Variants in SHANK2 observed in about 807,000 individuals in gnomAD.
SHANK2 encodes SH3 and multiple ankyrin repeat domains 2, also known as SH3 and multiple ankyrin repeat domains protein 2.
SHANK2 carries 43 observed loss-of-function variants against 133.7 expected under a neutral mutation model. The observed-to-expected ratio is 0.32, with a 90% CI of 0.25 to 0.41. The LOEUF (loss-of-function observed/expected upper bound fraction) is 0.41, where lower values mean the gene tolerates loss of function less well. Ranked by LOEUF, SHANK2 falls within the 10% of genes least tolerant of loss-of-function variation. SHANK2 has a pLI of 1.00. For synonymous variants in SHANK2, 1,017 were observed against 952.8 expected, an observed-to-expected ratio of 1.07 and a Z score of -1.24; for missense variants, 1,994 against 2,235.8, an observed-to-expected ratio of 0.89 and a Z score of 2.18.
chr11:70,586,596 C>T (rs369574162), intron 17 of SHANK2, among the ~76,000 whole-genome samples: 65 of 152,322 alleles, frequency 4.3e-4, no homozygotes, highest in Non-Finnish European at 7.5e-4. Flanking sequence ...CATGCTGGGA[C>T]GCAGACTCTC....
chr11:71,125,387 C>T (rs1420903963), intron 3 of SHANK2, among the ~76,000 whole-genome samples: 1 of 152,208 alleles, frequency 6.6e-6, no homozygotes, highest in Non-Finnish European at 1.5e-5. Context: ...CCAGTGAACA[C>T]ACAAATGGTA....
chr11:70,478,572 C>G (rs1477416550), intron 25 of SHANK2, among the ~76,000 whole-genome samples: 1 of 152,208 alleles, frequency 6.6e-6, no homozygotes, highest in Non-Finnish European at 1.5e-5. Context: ...AAAGATAGAA[C>G]CGGAGGCAGC....
chr11:70,614,746 C>T (rs2060715461), intron 17 of SHANK2, among the ~76,000 whole-genome samples: 1 of 152,244 alleles, frequency 6.6e-6, no homozygotes, highest in Non-Finnish European at 1.5e-5. Context: ...GCAAGGATGA[C>T]CAAGCCCTTC....
intron 14 of SHANK2, among the ~76,000 whole-genome samples, chr11:70,708,701 G>A (rs1555025474): frequency 6.6e-6 from 1 of 152,198 alleles, no homozygotes; most frequent in Non-Finnish European, 1.5e-5. Flanking sequence ...GCTGGGAGCC[G>A]CTCCTCCAAG....
intron 2 of SHANK2, among the ~76,000 whole-genome samples, chr11:71,157,593 G>C (rs1412240782): frequency 6.6e-6 from 1 of 152,314 alleles, no homozygotes; most frequent in Middle Eastern, 3.4e-3. Flanking sequence ...AGAAGAGTCT[G>C]TCTGGCTTTC....
At chr11:70,592,630 C>T (rs1296736663) in intron 17 of SHANK2, among the ~76,000 whole-genome samples, 1 of 152,112 alleles carries the variant, frequency 6.6e-6, no homozygotes, top group Admixed American at 6.5e-5. Context: ...CAAATGTGTG[C>T]AGCCCTGGTC....
intron 21 of SHANK2, among the ~76,000 whole-genome samples, chr11:70,497,867 T>C (rs1037083220): frequency 6.6e-6 from 1 of 152,260 alleles, no homozygotes; most frequent in East Asian, 1.9e-4. Flanking sequence ...AAATAGGCTC[T>C]GCACTGAAGT....
chr11:70,486,013 C>T lies in SHANK2; in HGVS notation c.4280G>A (p.Arg1427Gln), dbSNP rs782253326. Residue 1427 changes from arginine (R) to glutamine (Q), a missense_variant, in exon 25 of 26, where the codon CGG (arginine) becomes CAG (glutamine). Transcript: ENST00000601538. The surrounding 1 kb of genome is among the most constrained non-coding windows in gnomAD (Gnocchi z 8.0). ...TGAGAGAGCCGGGACAGAAGCTGCC[C>T]GGTCATCGGGGATATCAAAACTATT... Reference protein sequence around the residue: ...FANSFDIPDDRAASVPALSDL... With the variant: ...FANSFDIPDDQAASVPALSDL... 3.2e-5 allele frequency: 52 copies of T among 1,613,910 alleles called. No homozygotes were observed. The highest frequency in any genetic ancestry group is 4.2e-5 in the Non-Finnish European group (50 of 1,180,020).
chr11:70,660,068 G>A (rs1414950754), intron 16 of SHANK2, 116 bp from the exon 17 acceptor site: 5 of 1,369,546 alleles, frequency 3.7e-6, no homozygotes, highest in South Asian at 1.2e-5. Flanking sequence ...CCCATTGCAG[G>A]TGGCTAGTCC....
intron 14 of SHANK2, among the ~76,000 whole-genome samples, chr11:70,711,099 C>T (rs72948975): frequency 2.0e-5 from 3 of 152,340 alleles, no homozygotes; most frequent in Non-Finnish European, 4.4e-5. Context: ...TGAACTCTCA[C>T]TCTTCACTCT....
intron 10 of SHANK2, among the ~76,000 whole-genome samples, chr11:70,905,267 C>G (rs892301885): frequency 6.6e-6 from 1 of 152,212 alleles, no homozygotes; most frequent in Admixed American, 6.5e-5. Flanking sequence ...CCTTTCAAGA[C>G]AGCTCCCTAG....
At chr11:71,066,201 G>GA (rs1951060021) in intron 9 of SHANK2, among the ~76,000 whole-genome samples, 3 of 33,192 alleles carry the variant, frequency 9.0e-5, no homozygotes, top group Non-Finnish European at 2.0e-4. Flanking sequence ...GGGAAGTTGG[G>GA]GGGGGTATAG....
Position 70,469,589 on chromosome 11 carries a change from G to A in SHANK2, c.*3280C>T, listed in dbSNP as rs566425934. On this transcript the variant is annotated 3_prime_UTR_variant, in exon 26 of 26. Transcript: ENST00000601538. ...AAAGTAACAGCAACATAGATAATGC[G>A]AACACGTGTTGTTACACAAACTATA... 1.3e-5 allele frequency: 2 copies of A among 150,692 alleles called. No individual in the cohort carries two copies. Among genetic ancestry groups the A allele is most frequent in the South Asian group, 2.1e-4 (1 of 4,770 alleles). 9.3% of individuals were successfully genotyped at this position (150,692 alleles called of 1,614,324 possible). A position where few individuals can be genotyped will look rare whatever the true frequency, so the allele number is the denominator to read the frequency against.
At chr11:71,061,703 G>A (rs992262171) in intron 9 of SHANK2, among the ~76,000 whole-genome samples, 20 of 152,150 alleles carry the variant, frequency 1.3e-4, no homozygotes, top group Non-Finnish European at 2.2e-4. Context: ...TGGGCCCATC[G>A]GGGTGTCACC....
intron 17 of SHANK2, among the ~76,000 whole-genome samples, chr11:70,641,058 T>C (rs1205267806): frequency 7.6e-6 from 1 of 131,438 alleles, no homozygotes; most frequent in African/African-American, 2.9e-5. Context: ...AAATTCTAAG[T>C]ATTTTTTTTT....
At chr11:70,534,453 A>T (rs1428240467) in intron 17 of SHANK2, among the ~76,000 whole-genome samples, 1 of 152,168 alleles carries the variant, frequency 6.6e-6, no homozygotes, top group Non-Finnish European at 1.5e-5. Context: ...ATTTGGGTGG[A>T]GATGCAGCCA....
intron 14 of SHANK2, among the ~76,000 whole-genome samples, chr11:70,782,720 T>C (rs947792689): frequency 6.6e-6 from 1 of 152,210 alleles, no homozygotes; most frequent in Non-Finnish European, 1.5e-5. Flanking sequence ...AGACCCAAAC[T>C]GGCGCATGGC....
At chr11:70,781,293 A>G (rs1947480612) in intron 14 of SHANK2, among the ~76,000 whole-genome samples, 1 of 151,758 alleles carries the variant, frequency 6.6e-6, no homozygotes, top group African/African-American at 2.4e-5. Context: ...GTCCGGTTTG[A>G]AGCCAGCTGC....
At chr11:70,891,786 T>G (rs1949849836) in intron 11 of SHANK2, among the ~76,000 whole-genome samples, 1 of 152,112 alleles carries the variant, frequency 6.6e-6, no homozygotes, top group Non-Finnish European at 1.5e-5. Flanking sequence ...GTGACCATGA[T>G]GGACCCTCAC....
Sources: gnomAD v4.1 joint callset for allele counts (sites outside exome capture counted in the v4.1 genomes callset) on GRCh38, gnomAD v4.1.1 for gene constraint, Gnocchi (gnomAD v3.1) non-coding constraint, MANE v1.5 for transcripts, NCBI Gene and HGNC (gene_info 2026-07-23, HGNC 2026-07-21) for gene names.